PSMD14: variants seen among roughly 807,000 people sequenced by gnomAD.
The protein encoded by PSMD14 is proteasome 26S subunit, non-ATPase 14.
A neutral mutation model predicts 41.2 loss-of-function variants in PSMD14; 7 were observed. The observed-to-expected ratio is 0.17, with a 90% CI of 0.10 to 0.32. The LOEUF is 0.32. Ranked by LOEUF, PSMD14 falls within the 10% of genes least tolerant of loss-of-function variation. PSMD14 has a pLI of 1.00. For synonymous variants in PSMD14, 114 were observed against 122.3 expected, an observed-to-expected ratio of 0.93 and a Z score of 0.45; for missense variants, 139 against 375.6, an observed-to-expected ratio of 0.37 and a Z score of 5.21.
intron 3 of PSMD14, among the ~76,000 whole-genome samples, chr2:161,356,523 A>G (rs1049826786): frequency 6.6e-6 from 1 of 152,084 alleles, no homozygotes; most frequent in African/African-American, 2.4e-5. Context: ...GTTGAGGGTT[A>G]TATTAGATAC....
chr2:161,341,894 G>A (rs1304039062), intron 3 of PSMD14, among the ~76,000 whole-genome samples: 1 of 148,546 alleles, frequency 6.7e-6, no homozygotes, highest in African/African-American at 2.5e-5. Flanking sequence ...ATAAATTTGT[G>A]TTATAAATTA....
At chr2:161,369,769 T>C (rs1030318996) in intron 5 of PSMD14, among the ~76,000 whole-genome samples, 7 of 152,094 alleles carry the variant, frequency 4.6e-5, no homozygotes, top group African/African-American at 9.7e-5. Context: ...TCAGTTATGA[T>C]AGGATGGCAT....
chr2:161,338,138 A>T (rs1439682875), intron 3 of PSMD14, among the ~76,000 whole-genome samples: 1 of 152,216 alleles, frequency 6.6e-6, no homozygotes, highest in Non-Finnish European at 1.5e-5. Context: ...CCTTGTGGTG[A>T]GTTGTAGAGC....
intron 2 of PSMD14, among the ~76,000 whole-genome samples, chr2:161,316,977 C>G (rs1321485687): frequency 1.3e-5 from 2 of 151,978 alleles, no homozygotes; most frequent in Non-Finnish European, 2.9e-5. Flanking sequence ...CAGTTTTGGC[C>G]TAGAATATAT....
At position 161,374,961 on chromosome 2, in the gene PSMD14, A is replaced by T. The variant is rs551789877; in HGVS notation, c.462+3639A>T. 2.8e-4 allele frequency among the ~76,000 whole-genome samples: 43 copies of T among 152,146 alleles called. No homozygotes were observed. The East Asian group carries it at 7.2e-3, about 25-fold the overall frequency. On this transcript the variant is annotated intron_variant, in intron 7 of 11. Coordinates refer to ENST00000409682, the MANE Select transcript of PSMD14 (RefSeq NM_005805.6). The stretch of plus-strand genomic sequence containing the variant: ...ACCAGCTAACTAACTCCTAACAATC[A>T]TTGTGTCTGTTCTCTGTTTTGAAAA...
chr2:161,317,494 G>A (rs887102402), intron 2 of PSMD14, among the ~76,000 whole-genome samples: 3 of 152,144 alleles, frequency 2.0e-5, no homozygotes, highest in Admixed American at 6.5e-5. Flanking sequence ...CTTGGGTGGC[G>A]TTTCTGAGGT....
intron 3 of PSMD14, among the ~76,000 whole-genome samples, chr2:161,347,375 C>T (rs1683059828): frequency 6.6e-6 from 1 of 152,096 alleles, no homozygotes; most frequent in African/African-American, 2.4e-5. Flanking sequence ...TCTCGAACTA[C>T]TCAAGGAATC....
At position 161,385,508 on chromosome 2, in the gene PSMD14, C is replaced by T. The variant is rs1167091046; in HGVS notation, c.507C>T (p.Val169=). The change falls in exon 8 of 12, where the codon GTC becomes GTT. Residue 169 remains valine, a synonymous_variant. Transcript: ENST00000409682. The part of the protein sequence containing the change: ...AFRLINANMM[V]LGHEPRQTTS... ...GATTGATCAATGCTAATATGATGGT[C>T]TTAGGACATGAACCAAGACAAACAA... is the stretch of plus-strand genomic sequence containing the variant. The T allele has an allele frequency of 6.2e-7, 1 of 1,609,726 alleles. No individual in the cohort carries two copies. Among genetic ancestry groups the T allele is most frequent in the African/African-American group, 1.3e-5 (1 of 74,634 alleles).
At chr2:161,316,897 G>A (rs527625459) in intron 2 of PSMD14, among the ~76,000 whole-genome samples, 2 of 152,196 alleles carry the variant, frequency 1.3e-5, no homozygotes, top group African/African-American at 4.8e-5. Context: ...TATATTCACA[G>A]CATCTGGAGT....
At chr2:161,386,979 GTAATT>G (rs1402702934) in intron 8 of PSMD14, among the ~76,000 whole-genome samples, 1 of 151,878 alleles carries the variant, frequency 6.6e-6, no homozygotes, top group Non-Finnish European at 1.5e-5. Flanking sequence ...CTTATAGCCT[GTAATT>G]TAAAGTGCAC....
At chr2:161,401,594 C>T (rs1019387685) in intron 10 of PSMD14, among the ~76,000 whole-genome samples, 3 of 152,130 alleles carry the variant, frequency 2.0e-5, no homozygotes, top group African/African-American at 4.8e-5. Flanking sequence ...AAATTTTTTC[C>T]AACAACCTTA....
intron 3 of PSMD14, among the ~76,000 whole-genome samples, chr2:161,349,742 AGAGGAGG>A: frequency 6.6e-6 from 1 of 152,270 alleles, no homozygotes. Context: ...TGTGCTCCTC[AGAGGAGG>A]GAGGAGAGTC....
chr2:161,407,422 A>C (rs537669731), intron 10 of PSMD14: 4 of 152,228 alleles, frequency 2.6e-5, no homozygotes, highest in Non-Finnish European at 2.9e-5. Flanking sequence ...TGTGTTGTAA[A>C]TAAGTATCCT....
intron 10 of PSMD14, among the ~76,000 whole-genome samples, chr2:161,406,211 T>A (rs1053169626): frequency 1.6e-4 from 24 of 152,270 alleles, no homozygotes; most frequent in Admixed American, 2.6e-4. Context: ...AGATAGGGGA[T>A]ACATTGGAGG....
At chr2:161,411,271 G>A in intron 11 of PSMD14, 31 bp from the exon 12 acceptor site, 1 of 1,489,564 alleles carries the variant, frequency 6.7e-7, no homozygotes, top group Non-Finnish European at 9.2e-7. Flanking sequence ...ATATGGTTCT[G>A]TTTTCTCTTT....
chr2:161,337,176 TA>T (rs1682883279), intron 3 of PSMD14, among the ~76,000 whole-genome samples: 2 of 152,362 alleles, frequency 1.3e-5, no homozygotes, highest in South Asian at 2.1e-4. Context: ...TTGTTTTTGG[TA>T]AATCTGAGTA....
rs1447209899 is a variant in PSMD14 at position 161,361,893 on chromosome 2, A to G, written c.49-5585A>G. 2.0e-5 allele frequency among the ~76,000 whole-genome samples: 3 copies of G among 152,198 alleles called. No individual in the cohort carries two copies. The East Asian group carries it at 5.8e-4, about 29-fold the overall frequency. On this transcript the variant is annotated intron_variant, in intron 3 of 11. Coordinates refer to ENST00000409682, the MANE Select transcript of PSMD14 (RefSeq NM_005805.6). ...CATTATGAGAGGCTTTTATCTTTTA[A>G]CAAGGGACTTTAATCCATTTATATG...
intron 7 of PSMD14, chr2:161,384,547 A>ACC (rs1559051844): frequency 6.6e-6 from 1 of 151,486 alleles, no homozygotes; most frequent in Non-Finnish European, 1.5e-5. Flanking sequence ...ATATAGAAAT[A>ACC]CTGTTACTTA....
chr2:161,319,533 C>T (rs2013879), intron 3 of PSMD14, among the ~76,000 whole-genome samples: 123,069 of 152,058 alleles, frequency 0.81, 49,966 homozygotes, highest in Admixed American at 0.85. Flanking sequence ...TCGACACTTT[C>T]GATCTGTGCA....
Sources: allele counts gnomAD v4.1 joint callset (sites outside exome capture counted in the v4.1 genomes callset), GRCh38; gene constraint gnomAD v4.1.1; transcripts MANE v1.5; gene names NCBI Gene and HGNC (gene_info 2026-07-23, HGNC 2026-07-21).